Variants in PHF12 observed in about 807,000 individuals in gnomAD.
PHF12 encodes the protein PHD factor 1.
PHF12 carries 6 observed loss-of-function variants against 99.8 expected under a neutral mutation model. The observed-to-expected ratio is 0.06, with a 90% CI of 0.03 to 0.12. PHF12 has a LOEUF of 0.12. PHF12 is among the 10% of genes least tolerant of loss of function. The pLI is 1.00. For synonymous variants in PHF12, 480 were observed against 514.9 expected, an observed-to-expected ratio of 0.93 and a Z score of 0.92; for missense variants, 954 against 1,300.1, an observed-to-expected ratio of 0.73 and a Z score of 4.09.
At chr17:28,917,192 G>A in intron 7 of PHF12, 93 bp downstream of exon 7, 1 of 1,561,568 alleles carries the variant, frequency 6.4e-7, no homozygotes, top group African/African-American at 1.4e-5. Context: ...TGGGGCTTCA[G>A]TTTCCCTGCC....
chr17:28,920,641 C>T (rs955601496), intron 5 of PHF12, among the ~76,000 whole-genome samples: 1 of 152,082 alleles, frequency 6.6e-6, no homozygotes, highest in Non-Finnish European at 1.5e-5. Flanking sequence ...CAGCTCACTG[C>T]AACCTCCGCC....
intron 9 of PHF12, among the ~76,000 whole-genome samples, chr17:28,911,810 G>T (rs771925186): frequency 7.9e-5 from 12 of 152,166 alleles, no homozygotes; most frequent in Non-Finnish European, 2.9e-5. Context: ...TTCAGATGCT[G>T]GGGTCAGCAA....
rs376627470 is a variant in PHF12, at chr17:28,912,586, G to A, written c.1985C>T (p.Ser662Leu). 9 of 1,614,126 alleles carry A rather than the reference G, an allele frequency of 5.6e-6. No individual in the cohort carries two copies. The African/African-American group carries it at 1.1e-4, about 19-fold the overall frequency. ...GAGCACCCGGGTGGCGTTTGGGGGT[G>A]AGCCCAGTGGCCTTGAATCTGTCAA... ...PPLTDSRPLG[S>L]PPNATRVLTP... Residue 662 changes from serine to leucine, a missense_variant, in exon 9 of 15, where the codon TCA becomes TTA. Ser to Leu is a moderately radical substitution (Grantham distance 145). Transcript: ENST00000332830.
intron 2 of PHF12, among the ~76,000 whole-genome samples, chr17:28,945,951 C>T (rs556652309): frequency 1.3e-5 from 2 of 152,192 alleles, no homozygotes; most frequent in East Asian, 1.9e-4. Context: ...CTGACCAACA[C>T]GGTGAAACCC....
intron 2 of PHF12, among the ~76,000 whole-genome samples, chr17:28,930,359 C>T (rs1302852564): frequency 6.6e-6 from 1 of 152,202 alleles, no homozygotes; most frequent in Non-Finnish European, 1.5e-5. Context: ...CCTCATTTGC[C>T]TTTGTACCTC....
At position 28,906,558 on chromosome 17, in the gene PHF12, C is replaced by T; in HGVS notation, c.2681-41G>A. The T allele has an allele frequency of 1.3e-6, 2 of 1,551,178 alleles. No individual in the cohort carries two copies. Among genetic ancestry groups the T allele is most frequent in the East Asian group, 4.5e-5 (2 of 44,080 alleles). On this transcript the variant is annotated intron_variant, in intron 14 of 14. Transcript: ENST00000332830. This position sits in a 1 kb window ranked among gnomAD's most constrained non-coding sequence, Gnocchi z 4.2. ...ATGGTCACAGAAGAGGAACAGTGAG[C>T]AGCCAACCCATGTGGGCTGTTTGCC...
intron 2 of PHF12, among the ~76,000 whole-genome samples, chr17:28,930,688 G>A (rs2030635047): frequency 6.6e-6 from 1 of 151,950 alleles, no homozygotes; most frequent in Non-Finnish European, 1.5e-5. Flanking sequence ...CTTAACACAA[G>A]GTAAAATGCT....
At chr17:28,908,725 T>A (rs2039910985) in intron 12 of PHF12, 58 bp downstream of exon 12, 1 of 1,542,890 alleles carries the variant, frequency 6.5e-7, no homozygotes, top group Admixed American at 1.7e-5. Flanking sequence ...TGGGTAAGGG[T>A]GTCAGTCTTT....
chr17:28,927,074 C>G lies in PHF12; in HGVS notation c.249-11G>C. On this transcript the variant is annotated splice_polypyrimidine_tract_variant and intron_variant, in intron 2 of 14. Coordinates refer to ENST00000332830, the MANE Select transcript of PHF12 (RefSeq NM_001033561.2). ...CTCAGTGGAGGGTTACTGTGGGGAA[C>G]AGACAAGGGCAAGACTAAATAACTA... The G allele has an allele frequency of 6.2e-7, 1 of 1,610,672 alleles. No homozygotes were observed. Among genetic ancestry groups the G allele is most frequent in the Non-Finnish European group, 8.5e-7 (1 of 1,177,078 alleles).
chr17:28,932,348 G>C (rs2040428937), intron 2 of PHF12, among the ~76,000 whole-genome samples: 1 of 152,094 alleles, frequency 6.6e-6, no homozygotes, highest in African/African-American at 2.4e-5. Flanking sequence ...CCGAAGGCTG[G>C]GTCTTGAACT....
At position 28,906,786 on chromosome 17, in the gene PHF12, T is replaced by C. The variant is rs2039878824; in HGVS notation, c.2680+70A>G. Reference sequence around the variant, plus strand: ...GACTGGGAAGGCAAGAGACAGACCATGGGCAGCAAGTCAGAACCACCCTGA... The same window carrying C: ...GACTGGGAAGGCAAGAGACAGACCACGGGCAGCAAGTCAGAACCACCCTGA... On this transcript the variant is annotated intron_variant, in intron 14 of 14. Coordinates refer to ENST00000332830, the MANE Select transcript of PHF12 (RefSeq NM_001033561.2). The surrounding 1 kb of genome is among the most constrained non-coding windows in gnomAD (Gnocchi z 4.2). 13 of 1,524,378 alleles carry C rather than the reference T, an allele frequency of 8.5e-6. No homozygotes were observed. Among genetic ancestry groups the C allele is most frequent in the East Asian group, 2.3e-5 (1 of 44,042 alleles). The allele number at this position is 1,524,378 out of a possible 1,614,324, so 94.4% of individuals were successfully genotyped here. A position where few individuals can be genotyped will look rare whatever the true frequency, so the allele number is the denominator to read the frequency against.
intron 2 of PHF12, among the ~76,000 whole-genome samples, chr17:28,941,468 G>A (rs1249245046): frequency 6.6e-6 from 1 of 152,008 alleles, no homozygotes; most frequent in Non-Finnish European, 1.5e-5. Context: ...ACTGTTATCT[G>A]GGCTTATATA....
rs765881991 is a variant in PHF12 at position 28,913,013 on chromosome 17, T to C, written c.1558A>G (p.Ile520Val). 3.1e-6 allele frequency: 5 copies of C among 1,614,228 alleles called. No homozygotes were observed. Among genetic ancestry groups the C allele is most frequent in the Middle Eastern group, 1.7e-4 (1 of 6,060 alleles). ...PPHQSPALEDIGCSSCAEKSK... is the reference protein window; with the variant it reads ...PPHQSPALEDVGCSSCAEKSK... ...TTTTCCGCACAAGAACTGCAGCCGATGTCCTCTAGGGCTGGGGACTGGTGG... is the reference window on the plus strand; with the variant it reads ...TTTTCCGCACAAGAACTGCAGCCGACGTCCTCTAGGGCTGGGGACTGGTGG... Residue 520 changes from isoleucine (I) to valine (V), a missense_variant, in exon 9 of 15, where the codon ATC becomes GTC. Physicochemically the swap from Ile to Val is conservative, Grantham distance 29. This residue lies in a region of PHF12 where 392 missense variants were observed against 423.1 expected (regional missense o/e 0.93). Coordinates refer to ENST00000332830, the MANE Select transcript of PHF12 (RefSeq NM_001033561.2).
At position 28,950,418 on chromosome 17, in the gene PHF12, T is replaced by C; in HGVS notation, c.67-172A>G. 1.5e-6 allele frequency: 1 copy of C among 671,874 alleles called. No individual in the cohort carries two copies. The highest frequency in any genetic ancestry group is 3.0e-5 in the Admixed American group (1 of 33,740). The allele number at this position is 671,874 out of a possible 1,614,324, so 41.6% of individuals were successfully genotyped here. The stretch of plus-strand genomic sequence containing the variant: ...CCCCGGAACCAGGGGGAGCCCACCC[T>C]AACCGCGTTCCTGCAGCACAACAAC... On this transcript the variant is annotated intron_variant, in intron 1 of 14. Transcript: ENST00000332830. This position sits in a 1 kb window ranked among gnomAD's most constrained non-coding sequence, Gnocchi z 5.7.
In PHF12 at chr17:28,949,117, C is replaced by T. The variant is rs1047848509; in HGVS notation, c.248+948G>A. Among the ~76,000 whole-genome samples the T allele has an allele frequency of 1.3e-5, 2 of 152,186 alleles. No individual in the cohort carries two copies. Among genetic ancestry groups the T allele is most frequent in the African/African-American group, 4.8e-5 (2 of 41,446 alleles). On this transcript the variant is annotated intron_variant, in intron 2 of 14. Coordinates refer to ENST00000332830, the MANE Select transcript of PHF12 (RefSeq NM_001033561.2). The surrounding 1 kb of genome is among the most constrained non-coding windows in gnomAD (Gnocchi z 4.6). ...TGTCCAGTAAGGGGGAAAAAGCGTA[C>T]GGCTTTCCAGCTCTCAGCTCCTTAA...
chr17:28,905,518 A>C lies in PHF12; in HGVS notation c.*665T>G, dbSNP rs1238571487. On this transcript the variant is annotated 3_prime_UTR_variant, in exon 15 of 15. Transcript: ENST00000332830. Reference sequence around the variant, plus strand: ...ACACGGTTTTTAAAAACATTGAAAAAATGTCATCACTAGATGTATTTACAC... The same window carrying C: ...ACACGGTTTTTAAAAACATTGAAAACATGTCATCACTAGATGTATTTACAC... 1 of 152,566 alleles carries C rather than the reference A, an allele frequency of 6.6e-6. No individual in the cohort carries two copies. The highest frequency in any genetic ancestry group is 1.9e-4 in the East Asian group (1 of 5,208). 9.5% of individuals were successfully genotyped at this position (152,566 alleles called of 1,614,324 possible). A position where few individuals can be genotyped will look rare whatever the true frequency, so the allele number is the denominator to read the frequency against.
intron 5 of PHF12, 58 bp from the exon 6 acceptor site, chr17:28,919,333 T>C (rs2040117168): frequency 1.3e-6 from 2 of 1,574,128 alleles, no homozygotes; most frequent in South Asian, 1.2e-5. Flanking sequence ...TCAAACTAAC[T>C]TTGACCTGTG....
intron 2 of PHF12, among the ~76,000 whole-genome samples, chr17:28,940,967 T>C (rs2040602410): frequency 6.6e-6 from 1 of 151,734 alleles, no homozygotes; most frequent in Non-Finnish European, 1.5e-5. Flanking sequence ...TGAATGGCAA[T>C]GCAGCTGGCC....
In PHF12 at chr17:28,921,711, G is replaced by A. The variant is rs752746721; in HGVS notation, c.813C>T (p.Val271=). ...ACCTGTTACACGTGAAGCAGACTTT[G>A]ACGGGTAAGGGAACGAGACCATTGT... is the stretch of plus-strand genomic sequence containing the variant. ...LDHNGLVPLP[V]KVCFTCNRSC... is the part of the protein sequence containing the mutation. The change falls in exon 5 of 15, where the codon GTC becomes GTT. Residue 271 remains valine (V), a synonymous_variant. Transcript: ENST00000332830. 6.2e-7 allele frequency: 1 copy of A among 1,614,084 alleles called. No individual in the cohort carries two copies. The highest frequency in any genetic ancestry group is 1.3e-5 in the African/African-American group (1 of 75,038).
Sources: gnomAD v4.1 joint callset for allele counts (sites outside exome capture counted in the v4.1 genomes callset) on GRCh38, gnomAD v4.1.1 for gene constraint, gnomAD v4.1.1 regional missense constraint, Gnocchi (gnomAD v3.1) non-coding constraint, MANE v1.5 for transcripts, NCBI Gene and HGNC (gene_info 2026-07-23, HGNC 2026-07-21) for gene names.